The following SYT9 variants were observed in gnomAD, a reference collection of about 807,000 sequenced individuals.
The protein encoded by SYT9 is synaptotagmin 9, also known as synaptotagmin-9.
Under a neutral mutation model 48.4 loss-of-function variants are expected in SYT9, and 22 were observed. That is an observed-to-expected ratio of 0.45 (90% CI 0.32 to 0.65). SYT9 has a LOEUF of 0.65. Ranked by LOEUF, SYT9 falls within the 30% of genes least tolerant of loss-of-function variation. SYT9 has a pLI of 0.03. For missense variants in SYT9, 577 were observed against 622.0 expected (o/e 0.93, Z 0.77); for synonymous variants, 265 against 245.0 (o/e 1.08, Z -0.76).
intron 6 of SYT9, among the ~76,000 whole-genome samples, chr11:7,455,283 A>G (rs1338186082): frequency 6.6e-6 from 1 of 151,016 alleles, no homozygotes; most frequent in Non-Finnish European, 1.5e-5. Flanking sequence ...ATGAAGTTCT[A>G]TTCAACCTAT....
At chr11:7,258,738 T>C (rs956498254) in intron 1 of SYT9, among the ~76,000 whole-genome samples, 1 of 152,062 alleles carries the variant, frequency 6.6e-6, no homozygotes, top group Admixed American at 6.5e-5. Context: ...CCAGAGTAAA[T>C]GCTCAAATAA....
chr11:7,386,741 G>A (rs895134958), intron 3 of SYT9, among the ~76,000 whole-genome samples: 1 of 152,238 alleles, frequency 6.6e-6, no homozygotes, highest in East Asian at 1.9e-4. Flanking sequence ...TCAGTGTGGC[G>A]ATTCCTTAGG....
intron 3 of SYT9, among the ~76,000 whole-genome samples, chr11:7,364,917 A>T (rs954641485): frequency 3.3e-5 from 5 of 152,196 alleles, no homozygotes; most frequent in African/African-American, 4.8e-5. Flanking sequence ...GAAAGAAAAA[A>T]GAATCTGTCC....
At chr11:7,398,997 A>G (rs1411714891) in intron 3 of SYT9, among the ~76,000 whole-genome samples, 2 of 152,180 alleles carry the variant, frequency 1.3e-5, no homozygotes, top group Non-Finnish European at 2.9e-5. Flanking sequence ...TATAGGGCCA[A>G]GACATATGTT....
chr11:7,360,343 T>G (rs1050730522), intron 3 of SYT9, among the ~76,000 whole-genome samples: 10 of 152,190 alleles, frequency 6.6e-5, no homozygotes, highest in African/African-American at 2.4e-4. Flanking sequence ...GGGCTCTTTT[T>G]TGGTTCCATA....
chr11:7,351,723 C>T (rs1217902611), intron 3 of SYT9, among the ~76,000 whole-genome samples: 1 of 152,078 alleles, frequency 6.6e-6, no homozygotes, highest in Non-Finnish European at 1.5e-5. Flanking sequence ...AGCAAAATAT[C>T]CTCAAATTGT....
chr11:7,452,343 TCTC>T (rs1387339283), intron 6 of SYT9, among the ~76,000 whole-genome samples: 1 of 152,174 alleles, frequency 6.6e-6, no homozygotes, highest in Non-Finnish European at 1.5e-5. Context: ...TCCCTGCAGT[TCTC>T]CTCACTCAGA....
intron 1 of SYT9, among the ~76,000 whole-genome samples, chr11:7,300,558 C>T (rs1283762274): frequency 6.6e-6 from 1 of 152,194 alleles, no homozygotes; most frequent in Admixed American, 6.5e-5. Flanking sequence ...CCAGTGTGCC[C>T]CTTCTCCAGC....
chr11:7,433,125 C>T (rs2134122872), intron 6 of SYT9, among the ~76,000 whole-genome samples: 1 of 152,156 alleles, frequency 6.6e-6, no homozygotes, highest in Middle Eastern at 3.4e-3. Flanking sequence ...GTGGCACCTC[C>T]ACCCCCCTTG....
At chr11:7,285,102 C>T (rs1356355203) in intron 1 of SYT9, among the ~76,000 whole-genome samples, 2 of 152,150 alleles carry the variant, frequency 1.3e-5, no homozygotes, top group African/African-American at 4.8e-5. Context: ...CGAGCTATCC[C>T]TAGTACCTAT....
chr11:7,445,165 A>C, intron 6 of SYT9, among the ~76,000 whole-genome samples: 1 of 152,278 alleles, frequency 6.6e-6, no homozygotes, highest in East Asian at 1.9e-4. Context: ...CTTAAATGAA[A>C]AAATGAATGT....
intron 3 of SYT9, among the ~76,000 whole-genome samples, chr11:7,368,708 G>T (rs1274323247): frequency 1.3e-5 from 2 of 152,138 alleles, no homozygotes; most frequent in Non-Finnish European, 2.9e-5. Context: ...TCTTTTTTAT[G>T]GCTGTGTAGT....
At chr11:7,309,223 G>C (rs1330307513) in intron 2 of SYT9, among the ~76,000 whole-genome samples, 1 of 152,136 alleles carries the variant, frequency 6.6e-6, no homozygotes, top group East Asian at 1.9e-4. Context: ...ATGGGAGGTG[G>C]ATGAAGCTGA....
intron 3 of SYT9, among the ~76,000 whole-genome samples, chr11:7,344,929 TACACACACACACACAC>T (rs60652691): frequency 2.2e-4 from 33 of 149,020 alleles, no homozygotes; most frequent in Non-Finnish European, 4.0e-4. Context: ...CTCATTATTT[TACACACACACACACAC>T]ACACACACAC....
chr11:7,334,634 C>CTCGCTGCCACCCATCCCCCCAA (rs760477407), intron 3 of SYT9, among the ~76,000 whole-genome samples: 75,243 of 136,366 alleles, frequency 0.55, 20,885 homozygotes, highest in East Asian at 0.8. Flanking sequence ...CCTGCCTCCA[C>CTCGCTGCCACCCATCCCCCCAA]TCCCTGCCAC....
At chr11:7,336,830 C>G (rs555844220) in intron 3 of SYT9, among the ~76,000 whole-genome samples, 7 of 151,868 alleles carry the variant, frequency 4.6e-5, no homozygotes, top group Admixed American at 2.0e-4. Flanking sequence ...CCTGGCTATT[C>G]GAGCTCTTTT....
At chr11:7,434,814 G>C (rs548688061) in intron 6 of SYT9, among the ~76,000 whole-genome samples, 22 of 152,142 alleles carry the variant, frequency 1.4e-4, no homozygotes, top group Non-Finnish European at 3.1e-4. Flanking sequence ...AGTAGTTGGA[G>C]GTGACAGAAT....
chr11:7,248,350 A>G (rs957064758), upstream of SYT9, among the ~76,000 whole-genome samples: 35 of 151,550 alleles, frequency 2.3e-4, no homozygotes, highest in African/African-American at 8.2e-4. Flanking sequence ...AAATGTATCT[A>G]TCTTTGTTTT....
chr11:7,378,829 T>G (rs181024016), intron 3 of SYT9, among the ~76,000 whole-genome samples: 52 of 152,218 alleles, frequency 3.4e-4, no homozygotes, highest in African/African-American at 1.2e-3. Context: ...CAGGAATTCT[T>G]AGTTTTGATG....
Sources: allele counts gnomAD v4.1 joint callset (sites outside exome capture counted in the v4.1 genomes callset), GRCh38; gene constraint gnomAD v4.1.1; transcripts MANE v1.5; gene names NCBI Gene and HGNC (gene_info 2026-07-23, HGNC 2026-07-21).